The following CTNNA3 variants were observed in gnomAD, a reference collection of about 807,000 sequenced individuals.
CTNNA3 encodes the protein catenin alpha 3, also known as catenin alpha-3.
A neutral mutation model predicts 95.7 loss-of-function variants in CTNNA3; 76 were observed. The observed-to-expected ratio is 0.79, with a 90% CI of 0.66 to 0.96. CTNNA3 has a LOEUF of 0.96. CTNNA3 is among the 40% of genes least tolerant of loss of function. The pLI, the probability that CTNNA3 is intolerant of heterozygous loss-of-function variation, is 0.00. For missense variants in CTNNA3, 1,191 were observed against 1,089.8 expected, an observed-to-expected ratio of 1.09 and a Z score of -1.31; for synonymous variants, 431 against 374.4, an observed-to-expected ratio of 1.15 and a Z score of -1.74.
chr10:67,333,614 G>T (rs1338913530), intron 5 of CTNNA3, among the ~76,000 whole-genome samples: 1 of 152,074 alleles, frequency 6.6e-6, no homozygotes, highest in Admixed American at 6.6e-5. Flanking sequence ...GAATAAGGCT[G>T]ATTCTAAAAA....
intron 5 of CTNNA3, among the ~76,000 whole-genome samples, chr10:67,496,883 A>G (rs142027949): frequency 0.021 from 3,125 of 152,250 alleles, 37 homozygotes; most frequent in Non-Finnish European, 0.034. Context: ...TCAACCTTCT[A>G]TAAGCTATCT....
chr10:66,713,965 G>C (rs766979872), intron 9 of CTNNA3, among the ~76,000 whole-genome samples: 2 of 152,008 alleles, frequency 1.3e-5, no homozygotes, highest in Non-Finnish European at 2.9e-5. Context: ...ATATTTTAAA[G>C]TATAAGGACA....
At chr10:66,982,845 G>A (rs1026664422) in intron 7 of CTNNA3, among the ~76,000 whole-genome samples, 3 of 152,182 alleles carry the variant, frequency 2.0e-5, no homozygotes, top group Admixed American at 6.5e-5. Flanking sequence ...GACCCTAAGA[G>A]AGAAGCTGAA....
At chr10:66,402,631 A>G (rs2093029519) in intron 11 of CTNNA3, among the ~76,000 whole-genome samples, 1 of 152,190 alleles carries the variant, frequency 6.6e-6, no homozygotes, top group African/African-American at 2.4e-5. Context: ...ACAAATGCTG[A>G]GTTTCTAGGA....
chr10:66,345,452 T>C (rs536200663), intron 12 of CTNNA3, among the ~76,000 whole-genome samples: 10 of 152,260 alleles, frequency 6.6e-5, no homozygotes, highest in African/African-American at 2.2e-4. Flanking sequence ...CTCCTCTGTG[T>C]CATTATTCTA....
intron 12 of CTNNA3, among the ~76,000 whole-genome samples, chr10:66,340,584 T>G (rs2092443467): frequency 6.6e-6 from 1 of 151,804 alleles, no homozygotes; most frequent in Admixed American, 6.6e-5. Flanking sequence ...TAAGATTCAT[T>G]ACTACTAACC....
chr10:67,022,860 C>T lies in CTNNA3; in HGVS notation c.1047+157457G>A, dbSNP rs1319136076. ...GGCTGAGGCAGGAGAATAGCTTGAA[C>T]CCGGGTGGCGGAGGTTGCAGTGAGC... On this transcript the variant is annotated intron_variant, in intron 7 of 17. Transcript: ENST00000433211. Among the ~76,000 whole-genome samples the T allele has an allele frequency of 5.9e-5, 9 of 152,186 alleles. No homozygotes were observed. The South Asian group carries it at 1.7e-3, about 28-fold the overall frequency.
At chr10:66,188,034 G>A (rs961093429) in intron 13 of CTNNA3, among the ~76,000 whole-genome samples, 3 of 152,046 alleles carry the variant, frequency 2.0e-5, no homozygotes, top group East Asian at 1.9e-4. Flanking sequence ...TAAAGAGACA[G>A]AAAATATAGA....
chr10:66,358,870 A>G (rs1448729277), intron 12 of CTNNA3, among the ~76,000 whole-genome samples: 1 of 152,130 alleles, frequency 6.6e-6, no homozygotes, highest in African/African-American at 2.4e-5. Flanking sequence ...GTCTTCTCTG[A>G]CCTACAAAAC....
At chr10:66,410,603 CA>C (rs2093096055) in intron 11 of CTNNA3, among the ~76,000 whole-genome samples, 1 of 152,150 alleles carries the variant, frequency 6.6e-6, no homozygotes, top group Non-Finnish European at 1.5e-5. Flanking sequence ...GATTGCCCCC[CA>C]CTCCTGACCT....
At chr10:66,233,183 A>G (rs2089677892) in intron 13 of CTNNA3, among the ~76,000 whole-genome samples, 1 of 144,940 alleles carries the variant, frequency 6.9e-6, no homozygotes, top group Admixed American at 7.3e-5. Context: ...AAAAAAAAAA[A>G]AAAAAAAATT....
In CTNNA3 at chr10:66,927,438, G is replaced by GC; in HGVS notation, c.1048-151915dup. 6.2e-7 allele frequency: 1 copy of GC among 1,614,130 alleles called. No homozygotes were observed. Among genetic ancestry groups the GC allele is most frequent in the Non-Finnish European group, 8.5e-7 (1 of 1,180,024 alleles). ...CTAACTCCCTGAGAACCATCCCTGTGCGAATATTCCAAGACTGCCGCAACC... is the reference window on the plus strand; with the variant it reads ...CTAACTCCCTGAGAACCATCCCTGTGCCGAATATTCCAAGACTGCCGCAACC... On this transcript the variant is annotated intron_variant, in intron 7 of 17. Coordinates refer to ENST00000433211, the MANE Select transcript of CTNNA3 (RefSeq NM_013266.4). The surrounding 1 kb of genome is among the most constrained non-coding windows in gnomAD (Gnocchi z 4.7).
At chr10:66,176,708 GAAGTGTCATC>G (rs1453377348) in intron 13 of CTNNA3, among the ~76,000 whole-genome samples, 1 of 152,030 alleles carries the variant, frequency 6.6e-6, no homozygotes, top group Non-Finnish European at 1.5e-5. Flanking sequence ...ACACAGCCAG[GAAGTGTCATC>G]TATGAACCAG....
chr10:66,464,877 G>A (rs959846928), intron 11 of CTNNA3, among the ~76,000 whole-genome samples: 8 of 151,868 alleles, frequency 5.3e-5, no homozygotes. Flanking sequence ...TTGGCGGCCA[G>A]CCTCATTAAA....
intron 1 of CTNNA3, among the ~76,000 whole-genome samples, chr10:67,652,336 C>A (rs1564810324): frequency 6.6e-6 from 1 of 152,224 alleles, no homozygotes; most frequent in Non-Finnish European, 1.5e-5. Flanking sequence ...TGCTTTCTGG[C>A]AGGTCTACCA....
At chr10:66,874,573 G>T (rs78896361) in intron 7 of CTNNA3, among the ~76,000 whole-genome samples, 1 of 152,090 alleles carries the variant, frequency 6.6e-6, no homozygotes, top group Non-Finnish European at 1.5e-5. Context: ...ATAAATATAC[G>T]TAAGAAAAAA....
rs189782938 is a variant in CTNNA3 at position 66,955,816 on chromosome 10, T to C, written c.1048-180292A>G. On this transcript the variant is annotated intron_variant, in intron 7 of 17. Coordinates refer to ENST00000433211, the MANE Select transcript of CTNNA3 (RefSeq NM_013266.4). ...ACCCATTCTCCTAGTATTTCTGCCT[T>C]CACAGATGAGGGATTTCAAATTCTT... Among the ~76,000 whole-genome samples the C allele has an allele frequency of 2.5e-4, 38 of 152,298 alleles. 1 individual carries two copies. In the East Asian group the frequency reaches 2.5e-3, roughly 10 times the overall value.
intron 12 of CTNNA3, among the ~76,000 whole-genome samples, chr10:66,288,627 T>C (rs2091629782): frequency 6.6e-6 from 1 of 152,144 alleles, no homozygotes; most frequent in Admixed American, 6.6e-5. Context: ...CCACCACATA[T>C]GGCTACCATA....
chr10:65,966,723 C>T lies in CTNNA3; in HGVS notation c.2289G>A (p.Gln763=). 1 of 1,612,168 alleles carries T rather than the reference C, an allele frequency of 6.2e-7. No homozygotes were observed. Among genetic ancestry groups the T allele is most frequent in the Non-Finnish European group, 8.5e-7 (1 of 1,178,656 alleles). ...ANQCPDPSCK[Q]DLLAYLEQIK... ...TCTGTTCCAGGTAGGCCAACAAGTC[C>T]TGTTTACAAGATGGATCTGGGCACT... Residue 763 remains glutamine, a synonymous_variant, in exon 17 of 18, where the codon CAG becomes CAA. Coordinates refer to ENST00000433211, the MANE Select transcript of CTNNA3 (RefSeq NM_013266.4).
Sources: gnomAD v4.1 joint callset for allele counts (sites outside exome capture counted in the v4.1 genomes callset) on GRCh38, gnomAD v4.1.1 for gene constraint, Gnocchi (gnomAD v3.1) non-coding constraint, MANE v1.5 for transcripts, NCBI Gene and HGNC (gene_info 2026-07-23, HGNC 2026-07-21) for gene names.